The following ADAM22 variants were observed in gnomAD, a reference collection of about 807,000 sequenced individuals.
The protein encoded by ADAM22 is ADAM metallopeptidase domain 22.
Under a neutral mutation model 144.6 loss-of-function variants are expected in ADAM22, and 65 were observed. The ratio of observed to expected loss-of-function variants is 0.45; its 90% confidence interval spans 0.37 to 0.55. The LOEUF (loss-of-function observed/expected upper bound fraction) is 0.55, where lower values mean the gene tolerates loss of function less well. Among genes scored for constraint, ADAM22 ranks in the 20% least tolerant of loss-of-function variants. ADAM22 has a pLI of 0.00. For missense variants in ADAM22, 974 were observed against 1,184.9 expected, an observed-to-expected ratio of 0.82 and a Z score of 2.61; for synonymous variants, 391 against 412.6, an observed-to-expected ratio of 0.95 and a Z score of 0.63.
chr7:88,042,111 T>G (rs1803282553), intron 3 of ADAM22, among the ~76,000 whole-genome samples: 1 of 152,016 alleles, frequency 6.6e-6, no homozygotes, highest in Non-Finnish European at 1.5e-5. Flanking sequence ...ACTGTCTAAA[T>G]CATTTCTCCA....
intron 3 of ADAM22, among the ~76,000 whole-genome samples, chr7:88,041,160 T>G (rs1180545414): frequency 2.0e-5 from 3 of 152,034 alleles, no homozygotes; most frequent in Non-Finnish European, 2.9e-5. Context: ...CCCTTTGCCA[T>G]GTAACATTAT....
chr7:88,147,286 G>A (rs1388707951), intron 17 of ADAM22, among the ~76,000 whole-genome samples: 7 of 152,194 alleles, frequency 4.6e-5, no homozygotes, highest in Non-Finnish European at 7.3e-5. Flanking sequence ...CCAGAGGCAG[G>A]ACAGTGAATG....
At chr7:88,076,666 C>T (rs1020556638) in intron 4 of ADAM22, among the ~76,000 whole-genome samples, 42 of 152,112 alleles carry the variant, frequency 2.8e-4, no homozygotes, top group African/African-American at 1.0e-3. Flanking sequence ...TAAAAGCCTC[C>T]ACCAGCTAGA....
At chr7:88,110,099 A>G (rs1825611970) in intron 5 of ADAM22, among the ~76,000 whole-genome samples, 1 of 152,192 alleles carries the variant, frequency 6.6e-6, no homozygotes, top group Non-Finnish European at 1.5e-5. Flanking sequence ...CTGTGAATAA[A>G]GGTGTACATT....
chr7:87,972,117 C>G (rs1488982446), intron 2 of ADAM22, among the ~76,000 whole-genome samples: 1 of 152,028 alleles, frequency 6.6e-6, no homozygotes. Context: ...AAAGGGTATT[C>G]AATTAGGAAA....
intron 3 of ADAM22, among the ~76,000 whole-genome samples, chr7:88,042,187 T>A (rs1315306825): frequency 6.6e-6 from 1 of 152,066 alleles, no homozygotes; most frequent in Non-Finnish European, 1.5e-5. Context: ...TTTGAATACA[T>A]CAGAATCTAT....
In ADAM22 at chr7:88,202,376, A is replaced by G. The variant is rs1425716309; in HGVS notation, c.*5885A>G. 1.3e-5 allele frequency: 2 copies of G among 152,208 alleles called. No homozygotes were observed. The highest frequency in any genetic ancestry group is 2.4e-5 in the African/African-American group (1 of 41,432). The allele number at this position is 152,208 out of a possible 1,614,324, so 9.4% of individuals were successfully genotyped here. A position where few individuals can be genotyped will look rare whatever the true frequency, so the allele number is the denominator to read the frequency against. On this transcript the variant is annotated 3_prime_UTR_variant, in exon 32 of 32. Coordinates refer to ENST00000413139, the MANE Select transcript of ADAM22 (RefSeq NM_001324418.2). ...CAGAAACGGGGTGTTTTACCTAAACATAGTAGCTTACATGTTAGCCAGCAG... is the reference window on the plus strand; with the variant it reads ...CAGAAACGGGGTGTTTTACCTAAACGTAGTAGCTTACATGTTAGCCAGCAG...
At chr7:88,010,357 T>C (rs1261656535) in intron 3 of ADAM22, among the ~76,000 whole-genome samples, 1 of 152,200 alleles carries the variant, frequency 6.6e-6, no homozygotes, top group Non-Finnish European at 1.5e-5. Context: ...ATGGCTTTGG[T>C]AGAAAGAATT....
At chr7:87,988,816 C>T (rs986664808) in intron 3 of ADAM22, among the ~76,000 whole-genome samples, 1 of 152,130 alleles carries the variant, frequency 6.6e-6, no homozygotes, top group African/African-American at 2.4e-5. Flanking sequence ...ACACACATAT[C>T]CCTAACCCTC....
intron 3 of ADAM22, 68 bp downstream of exon 3, chr7:87,978,480 G>T: frequency 7.2e-7 from 1 of 1,396,538 alleles, no homozygotes; most frequent in East Asian, 2.3e-5. Context: ...CACTTGTAAA[G>T]TTTTTTCTTA....
intron 7 of ADAM22, among the ~76,000 whole-genome samples, chr7:88,119,212 A>C (rs1256360854): frequency 6.6e-6 from 1 of 152,226 alleles, no homozygotes; most frequent in African/African-American, 2.4e-5. Context: ...AATGAAATAT[A>C]AAAGTCTTGT....
chr7:88,187,658 A>G (rs182425706), intron 30 of ADAM22, among the ~76,000 whole-genome samples: 43 of 152,306 alleles, frequency 2.8e-4, no homozygotes, highest in African/African-American at 9.4e-4. Flanking sequence ...TCTGAACACA[A>G]TTTTACAATA....
Position 88,178,976 on chromosome 7 carries a change from G to A in ADAM22, c.2342G>A (p.Gly781Asp), listed in dbSNP as rs1476231837. The change falls in exon 27 of 32, where the codon GGT becomes GAT. Residue 781 changes from glycine to aspartate, a missense_variant. Coordinates refer to ENST00000413139, the MANE Select transcript of ADAM22 (RefSeq NM_001324418.2). ...GATTATGTAAAAAAGCCTGGAGATGGTGACTCTTTTTATAGCGACATTCCT... is the reference window on the plus strand; with the variant it reads ...GATTATGTAAAAAAGCCTGGAGATGATGACTCTTTTTATAGCGACATTCCT... ...QGDYVKKPGD[G>D]DSFYSDIPPG... The A allele has an allele frequency of 3.1e-6, 5 of 1,612,822 alleles. No homozygotes were observed. The highest frequency in any genetic ancestry group is 4.2e-6 in the Non-Finnish European group (5 of 1,179,338).
intron 3 of ADAM22, among the ~76,000 whole-genome samples, chr7:88,032,120 C>T (rs551348201): frequency 4.6e-5 from 7 of 152,332 alleles, no homozygotes; most frequent in African/African-American, 1.7e-4. Flanking sequence ...TTGGGGCACT[C>T]CTGGTGGAGC....
chr7:88,183,827 T>TATATAC (rs1440996969), intron 29 of ADAM22, among the ~76,000 whole-genome samples: 1 of 135,412 alleles, frequency 7.4e-6, no homozygotes, highest in African/African-American at 3.2e-5. Context: ...TACACATGTA[T>TATATAC]ATATACATAT....
chr7:88,125,825 C>T (rs1038006935), intron 8 of ADAM22, among the ~76,000 whole-genome samples, 166 bp downstream of exon 8: 1 of 151,810 alleles, frequency 6.6e-6, no homozygotes, highest in Non-Finnish European at 1.5e-5. Flanking sequence ...AGAAAGGGGG[C>T]CATGTTGTTT....
chr7:88,025,190 T>C (rs1046415170), intron 3 of ADAM22, among the ~76,000 whole-genome samples: 9 of 152,192 alleles, frequency 5.9e-5, no homozygotes, highest in African/African-American at 1.9e-4. Context: ...TGTTCCTATT[T>C]CTCCACATCC....
At chr7:87,946,670 G>C (rs548892757) in intron 2 of ADAM22, among the ~76,000 whole-genome samples, 1 of 152,290 alleles carries the variant, frequency 6.6e-6, no homozygotes, top group African/African-American at 2.4e-5. Context: ...GAGGTATGCA[G>C]CTTTGTTTCT....
chr7:88,076,907 A>T (rs926268987), intron 4 of ADAM22, among the ~76,000 whole-genome samples: 1 of 152,232 alleles, frequency 6.6e-6, no homozygotes, highest in South Asian at 2.1e-4. Context: ...TACAAATTAG[A>T]TAAATGCTCA....
Sources: allele counts gnomAD v4.1 joint callset (sites outside exome capture counted in the v4.1 genomes callset), GRCh38; gene constraint gnomAD v4.1.1; transcripts MANE v1.5; gene names NCBI Gene and HGNC (gene_info 2026-07-23, HGNC 2026-07-21).